Variants in CTNNA3 observed in about 807,000 individuals in gnomAD.
CTNNA3 encodes catenin alpha 3, also known as catenin alpha-3.
CTNNA3 carries 76 observed loss-of-function variants against 95.7 expected under a neutral mutation model. The ratio of observed to expected loss-of-function variants is 0.79; its 90% CI spans 0.66 to 0.96. The LOEUF is 0.96. Among genes scored for constraint, CTNNA3 ranks in the 40% least tolerant of loss-of-function variants. CTNNA3 has a pLI of 0.00. For missense variants in CTNNA3, 1,191 were observed against 1,089.8 expected (o/e 1.09, Z -1.31); for synonymous variants, 431 against 374.4 (o/e 1.15, Z -1.74).
intron 12 of CTNNA3, among the ~76,000 whole-genome samples, chr10:66,362,577 G>C (rs1398323141): frequency 6.6e-6 from 1 of 151,940 alleles, no homozygotes; most frequent in South Asian, 2.1e-4. Context: ...GCCGGGTGTG[G>C]TGGTGTATGC....
chr10:67,186,739 T>C (rs1010788491), intron 6 of CTNNA3, among the ~76,000 whole-genome samples: 1 of 152,182 alleles, frequency 6.6e-6, no homozygotes, highest in Admixed American at 6.5e-5. Flanking sequence ...TAGGATATTG[T>C]TTTTTCAGGA....
rs778141715 is a variant in CTNNA3, at chr10:67,097,751, C to T, written c.1047+82566G>A. The T allele has an allele frequency of 2.9e-5, 47 of 1,612,420 alleles. No individual in the cohort carries two copies. The South Asian group carries it at 3.4e-4, about 12-fold the overall frequency. On this transcript the variant is annotated intron_variant, in intron 7 of 17. Transcript: ENST00000433211. ...AGACTGAGCTGGACCTGAGCACAAT[C>T]ACAACAGCTGGCCGAATCAGTGACC...
chr10:66,475,508 G>C (rs1209806832), intron 11 of CTNNA3, among the ~76,000 whole-genome samples: 1 of 151,852 alleles, frequency 6.6e-6, no homozygotes, highest in African/African-American at 2.4e-5. Context: ...AAGATACTTA[G>C]TTTAATTATA....
At chr10:67,612,410 A>G (rs1589488179) in intron 2 of CTNNA3, among the ~76,000 whole-genome samples, 1 of 152,214 alleles carries the variant, frequency 6.6e-6, no homozygotes, top group East Asian at 1.9e-4. Context: ...GCCTTTAAGA[A>G]CAGATAATTT....
At chr10:66,115,324 C>A (rs1394969057) in intron 13 of CTNNA3, among the ~76,000 whole-genome samples, 1 of 152,120 alleles carries the variant, frequency 6.6e-6, no homozygotes, top group Non-Finnish European at 1.5e-5. Context: ...GTGTCCCTTA[C>A]CAGGTCCCAT....
In CTNNA3 at chr10:66,224,420, C is replaced by G. The variant is rs530076859; in HGVS notation, c.1884+56050G>C. Among the ~76,000 whole-genome samples, 10 of 152,266 alleles carry G rather than the reference C, an allele frequency of 6.6e-5. No individual in the cohort carries two copies. The East Asian group carries it at 1.2e-3, about 18-fold the overall frequency. On this transcript the variant is annotated intron_variant, in intron 13 of 17. Coordinates refer to ENST00000433211, the MANE Select transcript of CTNNA3 (RefSeq NM_013266.4). Reference sequence around the variant, plus strand: ...TGCCAATTTATAGAAAATACTTTCTCCAGAAGGCTTGGTATTTAGAAATGT... The same window carrying G: ...TGCCAATTTATAGAAAATACTTTCTGCAGAAGGCTTGGTATTTAGAAATGT...
intron 15 of CTNNA3, among the ~76,000 whole-genome samples, chr10:66,055,642 G>A (rs112828545): frequency 1.3e-5 from 2 of 152,026 alleles, no homozygotes; most frequent in East Asian, 1.9e-4. Context: ...ATAAAAAATC[G>A]GCCGGGCGTG....
chr10:66,931,505 C>T (rs982318848), intron 7 of CTNNA3, among the ~76,000 whole-genome samples: 1 of 150,324 alleles, frequency 6.7e-6, no homozygotes, highest in Non-Finnish European at 1.5e-5. Context: ...AGTGAACTAC[C>T]TAAGTAGACA....
rs1361815002 is a variant in CTNNA3, at chr10:66,685,325, G to GTGTGTATA, written c.1282-63542_1282-63541insTATACACA. Among the ~76,000 whole-genome samples, 25 of 30,004 alleles carry GTGTGTATA rather than the reference G, an allele frequency of 8.3e-4. 1 individual carries two copies. Among genetic ancestry groups the GTGTGTATA allele is most frequent in the African/African-American group, 3.6e-3 (25 of 6,984 alleles). 19.7% of individuals were successfully genotyped at this position (30,004 alleles called of 152,430 possible). On this transcript the variant is annotated intron_variant, in intron 9 of 17. Transcript: ENST00000433211. ...TATATATATGTGTGTGTGTATGTGT[G>GTGTGTATA]TATATATATATATATATATATATAT... is the stretch of plus-strand genomic sequence containing the variant.
intron 2 of CTNNA3, among the ~76,000 whole-genome samples, chr10:67,638,446 T>C (rs1362143894): frequency 1.3e-5 from 2 of 152,150 alleles, no homozygotes; most frequent in African/African-American, 4.8e-5. Flanking sequence ...ATTAGACAGA[T>C]CAGTGAGACA....
intron 7 of CTNNA3, among the ~76,000 whole-genome samples, chr10:66,875,473 T>C (rs1456490380): frequency 6.6e-6 from 1 of 151,400 alleles, no homozygotes; most frequent in Admixed American, 6.6e-5. Context: ...AATCATTCAA[T>C]AGTATTTAAA....
rs531306277 is a variant in CTNNA3, at chr10:66,932,256, A to C, written c.1048-156732T>G. Among the ~76,000 whole-genome samples the C allele has an allele frequency of 7.2e-5, 11 of 152,296 alleles. No individual in the cohort carries two copies. The South Asian group carries it at 2.3e-3, about 32-fold the overall frequency. On this transcript the variant is annotated intron_variant, in intron 7 of 17. Coordinates refer to ENST00000433211, the MANE Select transcript of CTNNA3 (RefSeq NM_013266.4). ...GCAGAGTCAGATTCATGGATTTGGC[A>C]AGAGGTTTTAGGATGCTGTAGGTGC...
chr10:66,752,607 C>T (rs1264188578), intron 9 of CTNNA3, among the ~76,000 whole-genome samples: 2 of 151,766 alleles, frequency 1.3e-5, no homozygotes, highest in East Asian at 3.9e-4. Context: ...AATGTTCTGC[C>T]ATGGACAAGA....
chr10:66,490,836 T>C (rs911163030), intron 11 of CTNNA3, among the ~76,000 whole-genome samples: 1 of 152,196 alleles, frequency 6.6e-6, no homozygotes, highest in Admixed American at 6.5e-5. Context: ...TATGGGTCTC[T>C]GCGTGACTAA....
intron 11 of CTNNA3, among the ~76,000 whole-genome samples, chr10:66,427,487 A>G (rs112355505): frequency 3.9e-5 from 6 of 152,196 alleles, no homozygotes; most frequent in African/African-American, 1.4e-4. Flanking sequence ...GGCACTGAAG[A>G]AAGATTAGTG....
At chr10:66,838,981 C>T (rs540699840) in intron 7 of CTNNA3, among the ~76,000 whole-genome samples, 3 of 152,002 alleles carry the variant, frequency 2.0e-5, no homozygotes, top group South Asian at 2.1e-4. Flanking sequence ...TTCTCTTTGG[C>T]GAAGACTTTT....
intron 7 of CTNNA3, among the ~76,000 whole-genome samples, chr10:67,062,572 A>G (rs115458716): frequency 0.012 from 1,825 of 152,208 alleles, 43 homozygotes; most frequent in African/African-American, 0.041. Context: ...AGGCAAACTT[A>G]GAACACAAAA....
chr10:66,982,880 G>C (rs7092716), intron 7 of CTNNA3, among the ~76,000 whole-genome samples: 1 of 152,182 alleles, frequency 6.6e-6, no homozygotes, highest in East Asian at 1.9e-4. Context: ...CTGGTAGGAA[G>C]AAGGGGAGAA....
intron 5 of CTNNA3, among the ~76,000 whole-genome samples, chr10:67,437,699 G>C (rs1364682855): frequency 6.6e-6 from 1 of 151,710 alleles, no homozygotes; most frequent in East Asian, 1.9e-4. Flanking sequence ...AATATTCTTA[G>C]ATATTTTTAA....
Sources: gnomAD v4.1 joint callset for allele counts (sites outside exome capture counted in the v4.1 genomes callset) on GRCh38, gnomAD v4.1.1 for gene constraint, MANE v1.5 for transcripts, NCBI Gene and HGNC (gene_info 2026-07-23, HGNC 2026-07-21) for gene names.